Variants in GRID2 observed in about 807,000 individuals in gnomAD.
The protein encoded by GRID2 is glutamate ionotropic receptor delta type subunit 2.
A neutral mutation model predicts 114.8 loss-of-function variants in GRID2; 33 were observed. The ratio of observed to expected loss-of-function variants is 0.29; its 90% CI spans 0.22 to 0.38. The LOEUF is 0.38. Among genes scored for constraint, GRID2 ranks in the 10% least tolerant of loss-of-function variants. The pLI is 1.00. For synonymous variants in GRID2, 505 were observed against 449.9 expected, an observed-to-expected ratio of 1.12 and a Z score of -1.55; for missense variants, 1,184 against 1,257.7, an observed-to-expected ratio of 0.94 and a Z score of 0.89.
chr4:93,697,694 A>G (rs1727140610), intron 14 of GRID2, among the ~76,000 whole-genome samples: 1 of 151,918 alleles, frequency 6.6e-6, no homozygotes, highest in Non-Finnish European at 1.5e-5. Context: ...TTTCAATTAG[A>G]TAAGTGGAAT....
intron 2 of GRID2, among the ~76,000 whole-genome samples, chr4:92,729,334 A>G (rs1560558300): frequency 2.0e-5 from 3 of 152,064 alleles, no homozygotes; most frequent in African/African-American, 7.2e-5. Flanking sequence ...TGCTAAATAT[A>G]ATATATACCC....
At chr4:93,809,947 C>CA (rs1194540394) in exon 2 of GRID2, 7 of 152,408 alleles carry the variant, frequency 4.6e-5, no homozygotes, top group African/African-American at 1.4e-4. Context: ...CCAAAGGATC[C>CA]AGCAAAGAGC....
At chr4:93,244,662 TATTA>T (rs1426172268) in intron 8 of GRID2, among the ~76,000 whole-genome samples, 1 of 144,650 alleles carries the variant, frequency 6.9e-6, no homozygotes, top group Non-Finnish European at 1.5e-5. Flanking sequence ...ATCTATTATA[TATTA>T]ATTAATAGAT....
intron 1 of GRID2, among the ~76,000 whole-genome samples, chr4:92,465,460 A>G (rs1721705300): frequency 6.6e-6 from 1 of 152,200 alleles, no homozygotes; most frequent in Admixed American, 6.6e-5. Context: ...CTTTTTATTG[A>G]TATTATGGAA....
intron 2 of GRID2, among the ~76,000 whole-genome samples, chr4:92,819,149 G>A (rs1488624530): frequency 6.6e-6 from 1 of 152,076 alleles, no homozygotes; most frequent in African/African-American, 2.4e-5. Flanking sequence ...CAATAGGAAA[G>A]CATAGTATCA....
chr4:92,882,868 C>A (rs549896812), intron 2 of GRID2, among the ~76,000 whole-genome samples: 2 of 152,304 alleles, frequency 1.3e-5, no homozygotes, highest in South Asian at 4.1e-4. Flanking sequence ...GAGCCTTCAA[C>A]AAGTACAAAT....
At chr4:93,098,727 C>G (rs1731439860) in intron 3 of GRID2, among the ~76,000 whole-genome samples, 1 of 151,722 alleles carries the variant, frequency 6.6e-6, no homozygotes, top group Non-Finnish European at 1.5e-5. Flanking sequence ...CAATAACAAC[C>G]CAATATTGGG....
intron 8 of GRID2, among the ~76,000 whole-genome samples, chr4:93,293,023 A>G (rs1307618245): frequency 6.6e-6 from 1 of 152,184 alleles, no homozygotes; most frequent in Non-Finnish European, 1.5e-5. Flanking sequence ...TTTAAGCAAC[A>G]AGGTGTCAAA....
At chr4:93,693,055 T>C (rs1307909833) in intron 14 of GRID2, among the ~76,000 whole-genome samples, 1 of 152,208 alleles carries the variant, frequency 6.6e-6, no homozygotes, top group African/African-American at 2.4e-5. Context: ...AGATCTGCTA[T>C]GTTTTACTAC....
intron 2 of GRID2, among the ~76,000 whole-genome samples, chr4:92,638,278 C>T (rs905981830): frequency 1.3e-4 from 20 of 151,442 alleles, no homozygotes; most frequent in Non-Finnish European, 2.4e-4. Context: ...GTAGAAGAGC[C>T]AGAGAACAAA....
rs573422893 is a variant in GRID2, at chr4:93,334,309, GA to G, written c.1246-61295del. 3.0e-3 allele frequency among the ~76,000 whole-genome samples: 452 copies of G among 152,144 alleles called. 11 individuals carry two copies. Among genetic ancestry groups the G allele is most frequent in the Admixed American group, 0.027 (419 of 15,256 alleles). On this transcript the variant is annotated intron_variant, in intron 8 of 15. Coordinates refer to ENST00000282020, the MANE Select transcript of GRID2 (RefSeq NM_001510.4). Reference sequence around the variant, plus strand: ...CAGTGTTAGGACTCTAAATCGTTTTGAAACTGAATGCCAGACCTCCCTAGAG... The same window carrying G: ...CAGTGTTAGGACTCTAAATCGTTTTGAACTGAATGCCAGACCTCCCTAGAG...
At chr4:93,364,623 A>T (rs1425446552) in intron 8 of GRID2, among the ~76,000 whole-genome samples, 5 of 151,906 alleles carry the variant, frequency 3.3e-5, no homozygotes, top group Non-Finnish European at 7.4e-5. Flanking sequence ...CACCCAGTCA[A>T]ATGCCACCAC....
intron 14 of GRID2, among the ~76,000 whole-genome samples, chr4:93,750,818 A>G (rs1194414603): frequency 6.6e-6 from 1 of 152,200 alleles, no homozygotes. Context: ...GTTAGGATAG[A>G]AGGAAGAAAG....
chr4:93,144,253 A>G (rs565952468), intron 4 of GRID2, among the ~76,000 whole-genome samples: 1 of 152,320 alleles, frequency 6.6e-6, no homozygotes, highest in South Asian at 2.1e-4. Flanking sequence ...GTAGCAGCCA[A>G]CACAAACTAA....
At chr4:93,601,375 A>G (rs1739667639) in intron 13 of GRID2, among the ~76,000 whole-genome samples, 1 of 152,142 alleles carries the variant, frequency 6.6e-6, no homozygotes, top group Non-Finnish European at 1.5e-5. Context: ...GGTGTCCTGG[A>G]ACATGTCCCA....
chr4:93,058,344 T>G lies in GRID2; in HGVS notation c.245-26651T>G, dbSNP rs140477576. The stretch of plus-strand genomic sequence containing the variant: ...TATACTTTACAGTAAAGTGACTATA[T>G]TTATTAAACTTTGCTCAGCAATTGC... On this transcript the variant is annotated intron_variant, in intron 2 of 15. Transcript: ENST00000282020. Among the ~76,000 whole-genome samples the G allele has an allele frequency of 5.7e-3, 869 of 152,130 alleles. 9 individuals are homozygous for G. The highest frequency in any genetic ancestry group is 0.019 in the African/African-American group (779 of 41,566).
At chr4:93,056,592 C>T (rs530465009) in intron 2 of GRID2, among the ~76,000 whole-genome samples, 25 of 151,926 alleles carry the variant, frequency 1.6e-4, no homozygotes, top group Non-Finnish European at 3.2e-4. Flanking sequence ...CTACCACCCT[C>T]AATTTCTAAC....
At chr4:92,841,620 C>T (rs563206474) in intron 2 of GRID2, among the ~76,000 whole-genome samples, 8 of 152,094 alleles carry the variant, frequency 5.3e-5, no homozygotes, top group South Asian at 2.1e-4. Context: ...TGCAGCATTA[C>T]AAGTAAGCTG....
In GRID2 at chr4:93,707,292, T is replaced by C. The variant is rs1728088647; in HGVS notation, c.2361-61918T>C. ...AGAAAAATTGGTATTAGTATTTCTT[T>C]AAGTGTTTGATAAAATTCAGCTGTG... On this transcript the variant is annotated intron_variant, in intron 14 of 15. Transcript: ENST00000282020. Among the ~76,000 whole-genome samples, 6 of 152,160 alleles carry C rather than the reference T, an allele frequency of 3.9e-5. No homozygotes were observed. In the South Asian group the frequency reaches 1.2e-3, roughly 32 times the overall value.
Sources: allele counts gnomAD v4.1 joint callset (sites outside exome capture counted in the v4.1 genomes callset), GRCh38; gene constraint gnomAD v4.1.1; transcripts MANE v1.5; gene names NCBI Gene and HGNC (gene_info 2026-07-23, HGNC 2026-07-21).